CEP290: variants seen among roughly 807,000 people sequenced by gnomAD.
CEP290 encodes centrosomal protein of 290 kDa.
CEP290 carries 317 observed loss-of-function variants against 344.9 expected under a neutral mutation model. The observed-to-expected ratio is 0.92, with a 90% CI of 0.84 to 1.01. CEP290 has a LOEUF of 1.01. Ranked by LOEUF, CEP290 falls within the 50% of genes least tolerant of loss-of-function variation. CEP290 has a pLI of 0.00. For missense variants in CEP290, 2,754 were observed against 2,761.4 expected, an observed-to-expected ratio of 1.00 and a Z score of 0.06; for synonymous variants, 932 against 895.8, an observed-to-expected ratio of 1.04 and a Z score of -0.72.
At chr12:88,087,717 C>A (rs1374745450) in intron 32 of CEP290, 63 bp downstream of exon 32, 80 of 348,710 alleles carry the variant, frequency 2.3e-4, no homozygotes, top group Non-Finnish European at 2.0e-5. Context: ...GAGACTCCAT[C>A]TCAAAAAAAA....
intron 25 of CEP290, 120 bp downstream of exon 25, chr12:88,106,555 A>G: frequency 1.6e-6 from 1 of 636,702 alleles, no homozygotes; most frequent in South Asian, 2.5e-5. Context: ...AGCAATTATG[A>G]CAAAATGTTA....
intron 25 of CEP290, 173 bp from the exon 26 acceptor site, chr12:88,103,184 A>G (rs1171015505): frequency 7.6e-6 from 3 of 396,326 alleles, no homozygotes; most frequent in Non-Finnish European, 1.3e-5. Flanking sequence ...CTTTCATATA[A>G]GAAATGTTAC....
Position 88,080,307 on chromosome 12 carries a change from A to G in CEP290, c.5101T>C (p.Ser1701Pro). Residue 1701 changes from serine to proline, a missense_variant, in exon 38 of 54, where the codon TCA (serine) becomes CCA (proline). Physicochemically the swap from Ser to Pro is moderately conservative, Grantham distance 74 (BLOSUM62 -1). Coordinates refer to ENST00000552810, the MANE Select transcript of CEP290 (RefSeq NM_025114.4). ...TGAAGTTCAGATTTTAAACACTGTG[A>G]CTCCTTTTGTGACTGGTCCAGAAGA... ...KYLLDQSQKE[S>P]QCLKSELQAQ... 4 of 1,613,102 alleles carry G rather than the reference A, an allele frequency of 2.5e-6. No individual in the cohort carries two copies. The highest frequency in any genetic ancestry group is 3.4e-6 in the Non-Finnish European group (4 of 1,179,560).
At chr12:88,077,949 T>C in intron 39 of CEP290, 31 bp from the exon 40 acceptor site, 1 of 947,062 alleles carries the variant, frequency 1.1e-6, no homozygotes, top group Non-Finnish European at 1.6e-6. Context: ...GTATTATTCA[T>C]GACTCTTCAA....
chr12:88,071,244 C>T, intron 43 of CEP290, 50 bp downstream of exon 43: 1 of 1,436,706 alleles, frequency 7.0e-7, no homozygotes, highest in East Asian at 2.3e-5. Flanking sequence ...TTCTAGGGGT[C>T]AACCAGTTTT....
intron 20 of CEP290, among the ~76,000 whole-genome samples, chr12:88,113,616 C>G (rs181470731): frequency 6.6e-6 from 1 of 151,614 alleles, no homozygotes; most frequent in East Asian, 1.9e-4. Context: ...TGACAATGTA[C>G]GCTAAATATG....
chr12:88,049,558 T>G, intron 53 of CEP290, 144 bp from the exon 54 acceptor site: 1 of 598,234 alleles, frequency 1.7e-6, no homozygotes, highest in Non-Finnish European at 3.0e-6. Context: ...ATTAAGATTT[T>G]TCTTTGTTCC....
At chr12:88,101,734 T>C (rs1300311356) in intron 26 of CEP290, among the ~76,000 whole-genome samples, 2 of 151,988 alleles carry the variant, frequency 1.3e-5, no homozygotes, top group Non-Finnish European at 2.9e-5. Context: ...ACATCACTCA[T>C]TGATACATTA....
At position 88,089,175 on chromosome 12, in the gene CEP290, C is replaced by T; in HGVS notation, c.3886G>A (p.Asp1296Asn). ...ATTTCTTGCATTATCTTAAGTTTGT[C>T]ATTTTGTAGTTGAATCATTGTTTTG... ...FSKTMIQLQN[D>N]KLKIMQEMKN... is the part of the protein sequence containing the mutation. Residue 1296 changes from aspartate (D) to asparagine (N), a missense_variant, in exon 31 of 54, where the codon GAC (aspartate) becomes AAC (asparagine). By Grantham distance (23) the Asp-to-Asn change is conservative (BLOSUM62 1). Coordinates refer to ENST00000552810, the MANE Select transcript of CEP290 (RefSeq NM_025114.4). 2 of 1,611,854 alleles carry T rather than the reference C, an allele frequency of 1.2e-6. No individual in the cohort carries two copies. Among genetic ancestry groups the T allele is most frequent in the Non-Finnish European group, 1.7e-6 (2 of 1,179,008 alleles).
At chr12:88,068,246 C>A (rs972650685) in intron 44 of CEP290, among the ~76,000 whole-genome samples, 1 of 151,960 alleles carries the variant, frequency 6.6e-6, no homozygotes, top group African/African-American at 2.4e-5. Flanking sequence ...GCTGCTACAG[C>A]AAAATACATA....
At chr12:88,068,051 A>G (rs891848999) in intron 44 of CEP290, among the ~76,000 whole-genome samples, 4 of 152,222 alleles carry the variant, frequency 2.6e-5, no homozygotes, top group Admixed American at 2.6e-4. Context: ...ATTCTGCTTA[A>G]GGTGGAAGAA....
chr12:88,060,254 C>T (rs1010741221), intron 47 of CEP290, among the ~76,000 whole-genome samples: 2 of 152,092 alleles, frequency 1.3e-5, no homozygotes, highest in African/African-American at 2.4e-5. Context: ...CAGGACCCAC[C>T]CTAAAATAAT....
rs375609644 is a variant in CEP290, at chr12:88,089,283, C to T, written c.3778G>A (p.Ala1260Thr). The change falls in exon 31 of 54, where the codon GCA becomes ACA. Residue 1260 changes from alanine to threonine, a missense_variant. Ala to Thr is a moderately conservative substitution (Grantham distance 58). Coordinates refer to ENST00000552810, the MANE Select transcript of CEP290 (RefSeq NM_025114.4). ...TGAATTGTTTGGCGCAGATGTTTTG[C>T]TCTGTTTCTTCCCTCCAAACGAGCA... ...YYARLEGRNRAKHLRQTIQSL... is the reference protein window; with the variant it reads ...YYARLEGRNRTKHLRQTIQSL... The T allele has an allele frequency of 1.1e-5, 18 of 1,613,924 alleles. No homozygotes were observed. In the African/African-American group the frequency reaches 2.3e-4, roughly 20 times the overall value.
intron 49 of CEP290, 22 bp from the exon 50 acceptor site, chr12:88,055,739 G>C (rs1397551247): frequency 1.4e-6 from 2 of 1,420,504 alleles, no homozygotes; most frequent in Non-Finnish European, 1.9e-6. Flanking sequence ...AGGAAAAAAA[G>C]TATAGACATG....
rs993055432 is a variant in CEP290, at chr12:88,102,894, T to G, written c.2935A>C (p.Ile979Leu). 1 of 1,611,844 alleles carries G rather than the reference T, an allele frequency of 6.2e-7. No homozygotes were observed. Among genetic ancestry groups the G allele is most frequent in the Non-Finnish European group, 8.5e-7 (1 of 1,179,012 alleles). Residue 979 changes from isoleucine to leucine, a missense_variant, in exon 26 of 54, where the codon ATC (isoleucine) becomes CTC (leucine). Transcript: ENST00000552810. Reference protein sequence around the residue: ...YNELTAKYRDILQKDNMLVQR... With the variant: ...YNELTAKYRDLLQKDNMLVQR... ...ACAAGCATATTATCTTTTTGCAAGA[T>G]GTCCCTGTACTTAGCAGTCAGTTCA...
chr12:88,067,952 C>T lies in CEP290; in HGVS notation c.6135+570G>A, dbSNP rs147962354. Reference sequence around the variant, plus strand: ...TGCCATGATCTTTTTTGGTTCTGAACAAAGTGTTTCTTTTGTGAAAAATAT... The same window carrying T: ...TGCCATGATCTTTTTTGGTTCTGAATAAAGTGTTTCTTTTGTGAAAAATAT... On this transcript the variant is annotated intron_variant, in intron 44 of 53. Transcript: ENST00000552810. 4.2e-3 allele frequency among the ~76,000 whole-genome samples: 632 copies of T among 152,140 alleles called. 3 individuals are homozygous for T. The highest frequency in any genetic ancestry group is 0.017 in the Middle Eastern group (5 of 294).
chr12:88,114,868 G>A (rs2038944020), intron 19 of CEP290, among the ~76,000 whole-genome samples: 1 of 151,972 alleles, frequency 6.6e-6, no homozygotes, highest in Non-Finnish European at 1.5e-5. Context: ...GAACACACAA[G>A]AAAAAGGAGT....
intron 30 of CEP290, among the ~76,000 whole-genome samples, chr12:88,089,839 G>A (rs992262333): frequency 6.6e-6 from 1 of 150,378 alleles, no homozygotes; most frequent in African/African-American, 2.5e-5. Context: ...CAATTCTCCT[G>A]CCTCAGCCTC....
chr12:88,061,929 C>A (rs1275787105), intron 46 of CEP290, among the ~76,000 whole-genome samples: 1 of 152,096 alleles, frequency 6.6e-6, no homozygotes, highest in African/African-American at 2.4e-5. Context: ...CAGGCATGAG[C>A]CACCATGCCC....
Sources: allele counts gnomAD v4.1 joint callset (sites outside exome capture counted in the v4.1 genomes callset), GRCh38; gene constraint gnomAD v4.1.1; transcripts MANE v1.5; gene names NCBI Gene and HGNC (gene_info 2026-07-23, HGNC 2026-07-21).